Variants in TOLLIP observed in about 807,000 individuals in gnomAD.
TOLLIP encodes toll interacting protein.
In TOLLIP, 16 loss-of-function variants were observed where a neutral mutation model predicts 33.5. The observed-to-expected ratio is 0.48, with a 90% CI of 0.32 to 0.72. The LOEUF is 0.72. Ranked by LOEUF, TOLLIP falls within the 30% of genes least tolerant of loss-of-function variation. The probability of loss-of-function intolerance (pLI) is 0.03; values close to 1 mark genes in which losing one functional copy is unlikely to be tolerated. For missense variants in TOLLIP, 325 were observed against 396.6 expected (o/e 0.82, Z 1.53); for synonymous variants, 176 against 163.7 (o/e 1.07, Z -0.57).
chr11:1,288,483 T>C (rs921662347), intron 4 of TOLLIP, 141 bp downstream of exon 4: 47 of 1,065,196 alleles, frequency 4.4e-5, no homozygotes, highest in Admixed American at 3.8e-4. Context: ...GCCCCTGCCC[T>C]CTGTCCTCAG....
intron 5 of TOLLIP, among the ~76,000 whole-genome samples, chr11:1,280,544 C>A (rs1405486308): frequency 1.3e-5 from 2 of 151,978 alleles, no homozygotes; most frequent in Admixed American, 6.6e-5. Flanking sequence ...GCACTCCAGG[C>A]CCGTGTGAAA....
rs1385759778 is a variant in TOLLIP, at chr11:1,287,450, A to G, written c.519+1174T>C. Among the ~76,000 whole-genome samples the G allele has an allele frequency of 7.3e-3, 114 of 15,554 alleles. 7 individuals are homozygous for G. Among genetic ancestry groups the G allele is most frequent in the African/African-American group, 0.025 (104 of 4,100 alleles). The allele number at this position is 15,554 out of a possible 152,430, so 10.2% of individuals were successfully genotyped here. Reference sequence around the variant, plus strand: ...CTCCCCGCCGCAGCCTCCCCGCCGCACCCTCCCCGCCGCAGCCTCCCCGCC... The same window carrying G: ...CTCCCCGCCGCAGCCTCCCCGCCGCGCCCTCCCCGCCGCAGCCTCCCCGCC... On this transcript the variant is annotated intron_variant, in intron 4 of 5. Transcript: ENST00000317204.
At chr11:1,283,319 A>T in intron 5 of TOLLIP, 1 of 334,038 alleles carries the variant, frequency 3.0e-6, no homozygotes. Context: ...AGGCCAAGGG[A>T]GGCAAGGCCA....
chr11:1,280,007 C>A (rs1863441765), intron 5 of TOLLIP, among the ~76,000 whole-genome samples: 1 of 152,220 alleles, frequency 6.6e-6, no homozygotes, highest in South Asian at 2.1e-4. Flanking sequence ...TCTCACTCCA[C>A]AGAGCGTTAT....
At chr11:1,302,789 G>A in intron 1 of TOLLIP, 1 of 985,588 alleles carries the variant, frequency 1.0e-6, no homozygotes, top group Non-Finnish European at 1.2e-6. Flanking sequence ...CCACGCCAGT[G>A]TGGACGGGCA....
chr11:1,291,843 C>G (rs1863963864), intron 2 of TOLLIP: 1 of 161,502 alleles, frequency 6.2e-6, no homozygotes, highest in Non-Finnish European at 1.4e-5. Flanking sequence ...GGCACGGCCG[C>G]CCCGTCCTCA....
In TOLLIP at chr11:1,278,871, G is replaced by A. The variant is rs1362784312; in HGVS notation, c.611-1618C>T. 4.6e-5 allele frequency among the ~76,000 whole-genome samples: 7 copies of A among 152,326 alleles called. No individual in the cohort carries two copies. The South Asian group carries it at 8.3e-4, about 18-fold the overall frequency. ...TCCTGGAGGGACCCCTGGGATCCCC[G>A]TGGCTTTTTGGGCGCCCCGGCTGGC... is the stretch of plus-strand genomic sequence containing the variant. On this transcript the variant is annotated intron_variant, in intron 5 of 5. Transcript: ENST00000317204. This position sits in a 1 kb window ranked among gnomAD's most constrained non-coding sequence, Gnocchi z 4.7.
chr11:1,293,892 C>T (rs1013396199), intron 2 of TOLLIP, among the ~76,000 whole-genome samples: 1 of 152,236 alleles, frequency 6.6e-6, no homozygotes, highest in Admixed American at 6.5e-5. Flanking sequence ...GAGGGATCGG[C>T]CACACCAGCA....
intron 2 of TOLLIP, among the ~76,000 whole-genome samples, chr11:1,294,246 C>T (rs1349367994): frequency 2.3e-5 from 3 of 130,362 alleles, no homozygotes; most frequent in African/African-American, 9.3e-5. Context: ...TACGAAAGCC[C>T]GCGTGGCTCA....
At chr11:1,287,241 G>A (rs1469562635) in intron 4 of TOLLIP, among the ~76,000 whole-genome samples, 1 of 152,218 alleles carries the variant, frequency 6.6e-6, no homozygotes, top group Non-Finnish European at 1.5e-5. Flanking sequence ...CGTCATGATG[G>A]TTCTGTGTTT....
chr11:1,295,499 T>C, intron 2 of TOLLIP, 146 bp downstream of exon 2: 1 of 1,094,500 alleles, frequency 9.1e-7, no homozygotes, highest in Non-Finnish European at 1.3e-6. Flanking sequence ...CAGATCGTTT[T>C]CAACATCACA....
In TOLLIP at chr11:1,274,397, T is replaced by A. The variant is rs777606086; in HGVS notation, c.*2642A>T. On this transcript the variant is annotated 3_prime_UTR_variant, in exon 6 of 6. Transcript: ENST00000317204. ...AAACCTTCCCTTAAAGGACTTTATT[T>A]CTCTATTTTTATATGGATCATTTAT... 1 of 152,200 alleles carries A rather than the reference T, an allele frequency of 6.6e-6. No homozygotes were observed. The highest frequency in any genetic ancestry group is 6.5e-5 in the Admixed American group (1 of 15,286). The allele number at this position is 152,200 out of a possible 1,614,324, so 9.4% of individuals were successfully genotyped here.
At chr11:1,280,562 G>A (rs147639903) in intron 5 of TOLLIP, among the ~76,000 whole-genome samples, 1 of 152,216 alleles carries the variant, frequency 6.6e-6, no homozygotes, top group Non-Finnish European at 1.5e-5. Context: ...AAATGGAGGT[G>A]CACGAGGGAA....
At chr11:1,305,904 A>C (rs570080722) in intron 1 of TOLLIP, 1 of 152,386 alleles carries the variant, frequency 6.6e-6, no homozygotes, top group Non-Finnish European at 1.5e-5. Flanking sequence ...TCACTGCAGA[A>C]GGCAGGGGTC....
chr11:1,303,173 A>C lies in TOLLIP; in HGVS notation c.33+6293T>G, dbSNP rs1349594099. ...TAAGCATAGATTATAAAAGCTGACT[A>C]CAGAACAAGCGACTTTAAATGGGGT... On this transcript the variant is annotated intron_variant, in intron 1 of 5. Coordinates refer to ENST00000317204, the MANE Select transcript of TOLLIP (RefSeq NM_019009.4). The surrounding 1 kb of genome is among the most constrained non-coding windows in gnomAD (Gnocchi z 4.2). Among the ~76,000 whole-genome samples, 1 of 152,230 alleles carries C rather than the reference A, an allele frequency of 6.6e-6. No homozygotes were observed. The highest frequency in any genetic ancestry group is 1.5e-5 in the Non-Finnish European group (1 of 68,040).
Position 1,290,474 on chromosome 11 carries a change from C to A in TOLLIP, c.184-65G>T. 1 of 1,500,130 alleles carries A rather than the reference C, an allele frequency of 6.7e-7. No individual in the cohort carries two copies. 92.9% of individuals were successfully genotyped at this position (1,500,130 alleles called of 1,614,324 possible). On this transcript the variant is annotated intron_variant, in intron 2 of 5. Coordinates refer to ENST00000317204, the MANE Select transcript of TOLLIP (RefSeq NM_019009.4). The surrounding 1 kb of genome is among the most constrained non-coding windows in gnomAD (Gnocchi z 4.9). Reference sequence around the variant, plus strand: ...ATCAGGAGAGGGTGGGTTCTCTAGGCCGTCTGCCTCCCTGAACCCTTCCAC... The same window carrying A: ...ATCAGGAGAGGGTGGGTTCTCTAGGACGTCTGCCTCCCTGAACCCTTCCAC...
At chr11:1,286,965 T>C (rs1416650103) in intron 4 of TOLLIP, among the ~76,000 whole-genome samples, 2 of 152,000 alleles carry the variant, frequency 1.3e-5, no homozygotes, top group Admixed American at 6.5e-5. Context: ...CTGTCAACTG[T>C]GGATAAGTCA....
At chr11:1,309,271 G>A (rs1032892998) in intron 1 of TOLLIP, among the ~76,000 whole-genome samples, 195 bp downstream of exon 1, 1 of 152,034 alleles carries the variant, frequency 6.6e-6, no homozygotes. Flanking sequence ...CCTGCAGCGT[G>A]GGCGCGTCCG....
At chr11:1,282,039 T>C (rs558643762) in intron 5 of TOLLIP, among the ~76,000 whole-genome samples, 2 of 152,354 alleles carry the variant, frequency 1.3e-5, no homozygotes, top group South Asian at 4.1e-4. Flanking sequence ...GAAGGGTGCC[T>C]TATTCACACT....
Sources: gnomAD v4.1 joint callset for allele counts (sites outside exome capture counted in the v4.1 genomes callset) on GRCh38, gnomAD v4.1.1 for gene constraint, Gnocchi (gnomAD v3.1) non-coding constraint, MANE v1.5 for transcripts, NCBI Gene and HGNC (gene_info 2026-07-23, HGNC 2026-07-21) for gene names.